The following PCDH9 variants were observed in gnomAD, a reference collection of about 807,000 sequenced individuals.
PCDH9 encodes the protein protocadherin-9.
A neutral mutation model predicts 70.6 loss-of-function variants in PCDH9; 24 were observed. That is an observed-to-expected ratio of 0.34 (90% CI 0.25 to 0.48). PCDH9 has a LOEUF of 0.48. PCDH9 is among the 20% of genes least tolerant of loss of function. PCDH9 has a pLI of 0.99. For missense variants in PCDH9, 1,281 were observed against 1,503.6 expected (o/e 0.85, Z 2.45); for synonymous variants, 562 against 558.5 (o/e 1.01, Z -0.09).
At chr13:66,719,702 G>A (rs115400710) in intron 3 of PCDH9, among the ~76,000 whole-genome samples, 75 of 152,304 alleles carry the variant, frequency 4.9e-4, no homozygotes, top group African/African-American at 1.7e-3. Context: ...AAAGGAGATA[G>A]CCAAACGTTT....
chr13:66,579,055 G>T (rs1384311082), intron 4 of PCDH9, among the ~76,000 whole-genome samples: 3 of 152,008 alleles, frequency 2.0e-5, no homozygotes, highest in Admixed American at 6.6e-5. Context: ...AACCAGTAAG[G>T]ACTGGGACCT....
chr13:66,740,148 C>A (rs1362281560), intron 3 of PCDH9, among the ~76,000 whole-genome samples: 2 of 125,964 alleles, frequency 1.6e-5, no homozygotes, highest in East Asian at 4.7e-4. Context: ...ATCTCTCAGA[C>A]CACAGTGCAA....
rs986033458 is a variant in PCDH9 at position 66,426,028 on chromosome 13, T to C, written c.3341-121000A>G. ...AATTATAGCTATGTTCATCATGACGTCATGTTATGTGGTAGAAGCCGATAG... is the reference window on the plus strand; with the variant it reads ...AATTATAGCTATGTTCATCATGACGCCATGTTATGTGGTAGAAGCCGATAG... On this transcript the variant is annotated intron_variant, in intron 4 of 4. Transcript: ENST00000377865. Among the ~76,000 whole-genome samples the C allele has an allele frequency of 5.9e-5, 9 of 151,606 alleles. 1 individual carries two copies. The highest frequency in any genetic ancestry group is 5.9e-4 in the Admixed American group (9 of 15,182).
At chr13:66,611,117 A>G (rs1442291300) in intron 4 of PCDH9, among the ~76,000 whole-genome samples, 1 of 152,212 alleles carries the variant, frequency 6.6e-6, no homozygotes, top group Non-Finnish European at 1.5e-5. Flanking sequence ...CAAAAACATG[A>G]AAAAATAATC....
At chr13:66,626,926 G>T (rs1020710025) in intron 4 of PCDH9, among the ~76,000 whole-genome samples, 1 of 149,778 alleles carries the variant, frequency 6.7e-6, no homozygotes. Flanking sequence ...ACTATTGTAG[G>T]CCAGTATTAT....
At chr13:66,917,438 C>T (rs547953053) in intron 2 of PCDH9, among the ~76,000 whole-genome samples, 129 of 151,568 alleles carry the variant, frequency 8.5e-4, no homozygotes, top group Non-Finnish European at 1.7e-3. Flanking sequence ...TGAAACATAA[C>T]CACTAATGAG....
intron 2 of PCDH9, among the ~76,000 whole-genome samples, chr13:67,065,647 A>G (rs1187492514): frequency 1.3e-5 from 2 of 152,164 alleles, no homozygotes; most frequent in African/African-American, 4.8e-5. Context: ...AATATTGTCT[A>G]CCACCACCAC....
intron 2 of PCDH9, among the ~76,000 whole-genome samples, chr13:66,937,274 G>T (rs2082932046): frequency 6.6e-6 from 1 of 152,272 alleles, no homozygotes; most frequent in South Asian, 2.1e-4. Flanking sequence ...TCTCAGTAAT[G>T]TTATTTAACT....
At chr13:66,389,354 G>T (rs1956980863) in intron 4 of PCDH9, among the ~76,000 whole-genome samples, 1 of 152,058 alleles carries the variant, frequency 6.6e-6, no homozygotes, top group Non-Finnish European at 1.5e-5. Flanking sequence ...CTGCAGATGG[G>T]AACTGGTTCA....
chr13:66,667,762 C>T (rs1018734603), intron 3 of PCDH9, among the ~76,000 whole-genome samples: 1 of 151,984 alleles, frequency 6.6e-6, no homozygotes, highest in African/African-American at 2.4e-5. Flanking sequence ...GTATTATGCA[C>T]AGTATTGTGT....
chr13:66,473,293 G>T (rs551342094), intron 4 of PCDH9, among the ~76,000 whole-genome samples: 2 of 151,802 alleles, frequency 1.3e-5, no homozygotes, highest in African/African-American at 2.4e-5. Flanking sequence ...GCAGGGAATG[G>T]GAATTGATAT....
chr13:66,931,191 G>T (rs1216473832), intron 2 of PCDH9, among the ~76,000 whole-genome samples: 2 of 152,100 alleles, frequency 1.3e-5, no homozygotes, highest in African/African-American at 4.8e-5. Context: ...TTTATGAATA[G>T]AATGTTATGT....
intron 4 of PCDH9, among the ~76,000 whole-genome samples, chr13:66,559,817 A>AAAATATATAT (rs71677008): frequency 1.4e-4 from 13 of 93,114 alleles, no homozygotes; most frequent in African/African-American, 5.7e-4. Flanking sequence ...AAAAAAAAAA[A>AAAATATATAT]ATATATATAT....
chr13:66,827,709 G>A (rs2139398254), intron 3 of PCDH9, among the ~76,000 whole-genome samples: 1 of 152,296 alleles, frequency 6.6e-6, no homozygotes, highest in Non-Finnish European at 1.5e-5. Flanking sequence ...GATTTTGACA[G>A]CTGGTGGAAA....
At chr13:66,735,071 G>A (rs1440034591) in intron 3 of PCDH9, among the ~76,000 whole-genome samples, 1 of 152,082 alleles carries the variant, frequency 6.6e-6, no homozygotes, top group Non-Finnish European at 1.5e-5. Context: ...ATAGTACTGG[G>A]TGCTGTTCAT....
rs1208678051 is a variant in PCDH9 at position 67,198,010 on chromosome 13, A to C, written c.3036+27395T>G. Among the ~76,000 whole-genome samples the C allele has an allele frequency of 2.6e-5, 4 of 151,608 alleles. No individual in the cohort carries two copies. The East Asian group carries it at 7.7e-4, about 29-fold the overall frequency. On this transcript the variant is annotated intron_variant, in intron 2 of 4. Coordinates refer to ENST00000377865, the MANE Select transcript of PCDH9 (RefSeq NM_203487.3). ...ATTTATTGTTTTTGATATTTTAAAA[A>C]TAAAACATAATTTTATTAAATATAT...
intron 4 of PCDH9, among the ~76,000 whole-genome samples, chr13:66,584,830 G>A (rs532888774): frequency 3.7e-4 from 56 of 152,186 alleles, no homozygotes; most frequent in Non-Finnish European, 7.4e-4. Context: ...TAAGTGCTAA[G>A]AAGCACCTAT....
chr13:67,094,728 T>C (rs2086287179), intron 2 of PCDH9, among the ~76,000 whole-genome samples: 1 of 152,008 alleles, frequency 6.6e-6, no homozygotes, highest in Non-Finnish European at 1.5e-5. Context: ...AAAAGAAGTA[T>C]AATGTCAAGC....
At position 66,341,583 on chromosome 13, in the gene PCDH9, A is replaced by C. The variant is rs140449683; in HGVS notation, c.3341-36555T>G. ...TTTAACAAATCCACAAGTGATTCCTATGCACATTAGAGCTAGAGAAACACC... is the reference window on the plus strand; with the variant it reads ...TTTAACAAATCCACAAGTGATTCCTCTGCACATTAGAGCTAGAGAAACACC... On this transcript the variant is annotated intron_variant, in intron 4 of 4. Transcript: ENST00000377865. 7.8e-4 allele frequency among the ~76,000 whole-genome samples: 119 copies of C among 152,280 alleles called. 1 individual carries two copies. The highest frequency in any genetic ancestry group is 2.7e-3 in the African/African-American group (111 of 41,564).
Sources: allele counts gnomAD v4.1 joint callset (sites outside exome capture counted in the v4.1 genomes callset), GRCh38; gene constraint gnomAD v4.1.1; transcripts MANE v1.5; gene names NCBI Gene and HGNC (gene_info 2026-07-23, HGNC 2026-07-21).